OSBPL1A: variants seen among roughly 807,000 people sequenced by gnomAD.
OSBPL1A encodes oxysterol binding protein like 1A.
A neutral mutation model predicts 137.1 loss-of-function variants in OSBPL1A; 80 were observed. The observed-to-expected ratio is 0.58, with a 90% confidence interval of 0.49 to 0.70. The LOEUF is 0.70. Among genes scored for constraint, OSBPL1A ranks in the 30% least tolerant of loss-of-function variants. The pLI is 0.00. For missense variants in OSBPL1A, 970 were observed against 1,129.4 expected, an observed-to-expected ratio of 0.86 and a Z score of 2.02; for synonymous variants, 365 against 389.7, an observed-to-expected ratio of 0.94 and a Z score of 0.75.
chr18:24,388,267 G>A (rs1044263220), intron 1 of OSBPL1A, among the ~76,000 whole-genome samples: 2 of 152,072 alleles, frequency 1.3e-5, no homozygotes, highest in African/African-American at 2.4e-5. Flanking sequence ...AGTGCCTCGT[G>A]TCTATTCTGT....
chr18:24,297,579 TTG>T (rs750860502), intron 14 of OSBPL1A, among the ~76,000 whole-genome samples: 1 of 152,240 alleles, frequency 6.6e-6, no homozygotes, highest in Non-Finnish European at 1.5e-5. Flanking sequence ...CCCAGAGGTT[TTG>T]ATAACTTGTG....
intron 14 of OSBPL1A, among the ~76,000 whole-genome samples, chr18:24,293,104 CAAAAAAA>C (rs1172730345): frequency 1.7e-3 from 113 of 66,368 alleles, no homozygotes; most frequent in East Asian, 5.0e-3. Context: ...ACTCCCGTCT[CAAAAAAA>C]AAAAAAAAAA....
intron 17 of OSBPL1A, 96 bp downstream of exon 17, chr18:24,224,946 C>T (rs553665651): frequency 2.7e-5 from 40 of 1,481,200 alleles, no homozygotes; most frequent in South Asian, 2.4e-4. Context: ...ATCCCCTACA[C>T]GGGGAAAAAT....
chr18:24,368,415 G>T, intron 2 of OSBPL1A, 43 bp from the exon 3 acceptor site: 1 of 1,434,114 alleles, frequency 7.0e-7, no homozygotes, highest in Non-Finnish European at 9.8e-7. Context: ...TCATATTTAG[G>T]TAATTTTACA....
intron 2 of OSBPL1A, among the ~76,000 whole-genome samples, chr18:24,372,431 G>T (rs752023828): frequency 2.0e-5 from 3 of 152,108 alleles, no homozygotes; most frequent in East Asian, 1.9e-4. Flanking sequence ...GTTCCTCAAT[G>T]CTCAGAAAGC....
intron 7 of OSBPL1A, among the ~76,000 whole-genome samples, chr18:24,331,113 T>TA (rs907145336): frequency 9.9e-5 from 15 of 152,054 alleles, no homozygotes; most frequent in Non-Finnish European, 1.8e-4. Flanking sequence ...TTCTAATGAC[T>TA]CCAAACCTTC....
chr18:24,280,225 G>A (rs112746084), intron 15 of OSBPL1A, among the ~76,000 whole-genome samples: 187 of 152,260 alleles, frequency 1.2e-3, no homozygotes, highest in African/African-American at 4.2e-3. Flanking sequence ...GATTATAGGC[G>A]TGAGCCACCA....
chr18:24,325,496 T>C (rs2090957733), intron 7 of OSBPL1A, among the ~76,000 whole-genome samples: 2 of 152,252 alleles, frequency 1.3e-5, no homozygotes, highest in Admixed American at 1.3e-4. Flanking sequence ...GGTTCACTCC[T>C]GTACTCAACT....
At chr18:24,385,234 A>G (rs145917163) in intron 1 of OSBPL1A, among the ~76,000 whole-genome samples, 3,143 of 152,182 alleles carry the variant, frequency 0.021, 46 homozygotes, top group African/African-American at 0.038. Flanking sequence ...GATTACAGGC[A>G]TGAGCCACCG....
intron 17 of OSBPL1A, among the ~76,000 whole-genome samples, chr18:24,206,897 C>T (rs181258159): frequency 3.0e-4 from 46 of 152,272 alleles, no homozygotes; most frequent in Middle Eastern, 6.8e-3. Context: ...AATCCCCCTC[C>T]GCTCTGAGAC....
chr18:24,337,887 A>G (rs1186365497), intron 5 of OSBPL1A, among the ~76,000 whole-genome samples: 1 of 151,940 alleles, frequency 6.6e-6, no homozygotes, highest in African/African-American at 2.4e-5. Flanking sequence ...GTGAAGTATC[A>G]CTATGTTTGC....
intron 1 of OSBPL1A, among the ~76,000 whole-genome samples, chr18:24,380,679 C>T (rs1160094966): frequency 1.3e-5 from 2 of 152,234 alleles, no homozygotes; most frequent in African/African-American, 4.8e-5. Flanking sequence ...AGGCTGGGAG[C>T]GGTGGCTCAC....
intron 1 of OSBPL1A, among the ~76,000 whole-genome samples, chr18:24,392,632 C>T (rs1907437878): frequency 6.6e-6 from 1 of 152,150 alleles, no homozygotes; most frequent in Non-Finnish European, 1.5e-5. Context: ...CAAACACATC[C>T]TATAAACTAA....
intron 18 of OSBPL1A, among the ~76,000 whole-genome samples, chr18:24,186,730 CCT>C (rs2086755538): frequency 3.3e-5 from 5 of 151,884 alleles, no homozygotes; most frequent in Admixed American, 3.3e-4. Context: ...ATGGTGAAAC[CCT>C]GTCTCTACTA....
chr18:24,204,414 G>A (rs2087311162), intron 17 of OSBPL1A, among the ~76,000 whole-genome samples: 1 of 151,976 alleles, frequency 6.6e-6, no homozygotes, highest in Admixed American at 6.6e-5. Context: ...GTATGTGATA[G>A]CTATTAATCT....
At chr18:24,268,085 C>T (rs1320995874) in intron 15 of OSBPL1A, among the ~76,000 whole-genome samples, 2 of 152,120 alleles carry the variant, frequency 1.3e-5, no homozygotes, top group Non-Finnish European at 2.9e-5. Flanking sequence ...TGCAATCTGG[C>T]TTCCTCTTAT....
At chr18:24,363,421 T>TAC (rs1490057766) in intron 4 of OSBPL1A, among the ~76,000 whole-genome samples, 1 of 151,758 alleles carries the variant, frequency 6.6e-6, no homozygotes. Context: ...TCCCTCTTAT[T>TAC]ACACTTCTTT....
intron 15 of OSBPL1A, among the ~76,000 whole-genome samples, chr18:24,248,691 A>G (rs1204728983): frequency 6.6e-6 from 1 of 152,238 alleles, no homozygotes; most frequent in East Asian, 1.9e-4. Context: ...AAATCAGGGT[A>G]GAATTTGGAG....
At chr18:24,264,820 T>G (rs547649307) in intron 15 of OSBPL1A, among the ~76,000 whole-genome samples, 2 of 152,330 alleles carry the variant, frequency 1.3e-5, no homozygotes, top group Non-Finnish European at 2.9e-5. Context: ...TTCTTTGGCA[T>G]TAAATTTGGA....
Sources: gnomAD v4.1 joint callset for allele counts (sites outside exome capture counted in the v4.1 genomes callset) on GRCh38, gnomAD v4.1.1 for gene constraint, MANE v1.5 for transcripts, NCBI Gene and HGNC (gene_info 2026-07-23, HGNC 2026-07-21) for gene names.